Variants in ADAMTSL3 observed in about 807,000 individuals in gnomAD.
The protein encoded by ADAMTSL3 is ADAMTS-like protein 3.
In ADAMTSL3, 128 loss-of-function variants were observed where a neutral mutation model predicts 201.7. The ratio of observed to expected loss-of-function variants is 0.63; its 90% CI spans 0.55 to 0.73. The LOEUF (loss-of-function observed/expected upper bound fraction) is 0.73, where lower values mean the gene tolerates loss of function less well. ADAMTSL3 is among the 30% of genes least tolerant of loss of function. The probability of loss-of-function intolerance (pLI) is 0.00; values close to 1 mark genes in which losing one functional copy is unlikely to be tolerated. For missense variants in ADAMTSL3, 1,990 were observed against 2,119.6 expected, an observed-to-expected ratio of 0.94 and a Z score of 1.20; for synonymous variants, 738 against 748.4, an observed-to-expected ratio of 0.99 and a Z score of 0.23.
At chr15:83,773,248 C>T (rs2063014061) in intron 3 of ADAMTSL3, among the ~76,000 whole-genome samples, 1 of 151,946 alleles carries the variant, frequency 6.6e-6, no homozygotes, top group Non-Finnish European at 1.5e-5. Context: ...CCTGTCTCTA[C>T]TAAAAATACA....
At chr15:83,903,792 C>T (rs1412392431) in intron 15 of ADAMTSL3, among the ~76,000 whole-genome samples, 1 of 150,906 alleles carries the variant, frequency 6.6e-6, no homozygotes, top group African/African-American at 2.4e-5. Flanking sequence ...GTGGTACATG[C>T]TTGTAGTCCC....
At chr15:83,830,153 AG>A (rs1380668804) in intron 6 of ADAMTSL3, among the ~76,000 whole-genome samples, 5 of 152,180 alleles carry the variant, frequency 3.3e-5, no homozygotes, top group Admixed American at 1.3e-4. Flanking sequence ...GGGTGAGAAC[AG>A]GGGGCATGGG....
intron 3 of ADAMTSL3, among the ~76,000 whole-genome samples, chr15:83,730,724 T>A (rs1422182644): frequency 6.6e-6 from 1 of 152,070 alleles, no homozygotes; most frequent in Non-Finnish European, 1.5e-5. Flanking sequence ...AATATGTAGG[T>A]TTCCTTTTCA....
intron 17 of ADAMTSL3, among the ~76,000 whole-genome samples, chr15:83,926,917 A>G (rs2066257100): frequency 6.6e-6 from 1 of 150,740 alleles, no homozygotes; most frequent in African/African-American, 2.4e-5. Context: ...GCACCTGGCC[A>G]CCAACAACAT....
chr15:83,796,359 A>G (rs943003787), intron 4 of ADAMTSL3, among the ~76,000 whole-genome samples: 1 of 152,246 alleles, frequency 6.6e-6, no homozygotes, highest in African/African-American at 2.4e-5. Context: ...TAATGCACAA[A>G]TGACTGTGCT....
intron 6 of ADAMTSL3, among the ~76,000 whole-genome samples, chr15:83,827,735 G>A (rs1196646702): frequency 6.6e-6 from 1 of 152,120 alleles, no homozygotes; most frequent in Non-Finnish European, 1.5e-5. Context: ...CATATGGCTA[G>A]TCATTTTTAT....
chr15:83,775,037 G>C (rs1212728480), intron 4 of ADAMTSL3, among the ~76,000 whole-genome samples: 1 of 152,078 alleles, frequency 6.6e-6, no homozygotes, highest in Non-Finnish European at 1.5e-5. Context: ...AATAGAGATG[G>C]GGTTTCACCA....
chr15:83,970,461 C>T (rs1375775207), intron 19 of ADAMTSL3, 23 bp from the exon 20 acceptor site: 1 of 1,613,910 alleles, frequency 6.2e-7, no homozygotes, highest in Admixed American at 1.7e-5. Flanking sequence ...CCATTTGACT[C>T]TGTTGCACAA....
chr15:83,662,502 A>G lies in ADAMTSL3; in HGVS notation c.69+6672A>G, dbSNP rs1366118953. On this transcript the variant is annotated intron_variant, in intron 2 of 29. Coordinates refer to ENST00000286744, the MANE Select transcript of ADAMTSL3 (RefSeq NM_207517.3). ...GAGTTAGTGGGTTCAGCGCACCAGC[A>G]TGGCACATGTATACGTATGTAACTA... Among the ~76,000 whole-genome samples the G allele has an allele frequency of 4.0e-5, 6 of 150,558 alleles. No homozygotes were observed. In the East Asian group the frequency reaches 1.2e-3, roughly 30 times the overall value.
chr15:83,829,489 T>G (rs9888673), intron 6 of ADAMTSL3, among the ~76,000 whole-genome samples: 3 of 152,048 alleles, frequency 2.0e-5, no homozygotes, highest in Admixed American at 2.0e-4. Flanking sequence ...TCCTGGATTC[T>G]TTGATTTTTT....
At chr15:83,909,588 T>C (rs1483721809) in intron 15 of ADAMTSL3, among the ~76,000 whole-genome samples, 1 of 152,122 alleles carries the variant, frequency 6.6e-6, no homozygotes, top group Non-Finnish European at 1.5e-5. Flanking sequence ...ACTGTGTCTA[T>C]TTAAAGTGCA....
intron 3 of ADAMTSL3, among the ~76,000 whole-genome samples, chr15:83,711,767 T>A (rs1431925088): frequency 2.0e-5 from 3 of 152,240 alleles, no homozygotes; most frequent in Non-Finnish European, 4.4e-5. Context: ...ATTGAGCTTT[T>A]TCACAAATCA....
chr15:83,943,103 T>C (rs2066594721), intron 19 of ADAMTSL3, 21 bp downstream of exon 19: 1 of 1,579,736 alleles, frequency 6.3e-7, no homozygotes, highest in African/African-American at 1.4e-5. Flanking sequence ...GGCTCAACTT[T>C]ATAGTCCCTT....
chr15:83,944,113 A>T (rs553459856), intron 19 of ADAMTSL3, among the ~76,000 whole-genome samples: 1 of 152,272 alleles, frequency 6.6e-6, no homozygotes, highest in East Asian at 1.9e-4. Context: ...TAAAACTTAC[A>T]AATTGTTTAT....
chr15:83,715,263 T>A (rs922630828), intron 3 of ADAMTSL3, among the ~76,000 whole-genome samples: 8 of 152,172 alleles, frequency 5.3e-5, no homozygotes, highest in Non-Finnish European at 1.2e-4. Flanking sequence ...GCCCTTAATA[T>A]TGCCTCTTCC....
rs537490308 is a variant in ADAMTSL3, at chr15:83,757,092, G to T, written c.190-16431G>T. Among the ~76,000 whole-genome samples, 13 of 152,306 alleles carry T rather than the reference G, an allele frequency of 8.5e-5. No homozygotes were observed. In the South Asian group the frequency reaches 2.7e-3, roughly 32 times the overall value. On this transcript the variant is annotated intron_variant, in intron 3 of 29. Coordinates refer to ENST00000286744, the MANE Select transcript of ADAMTSL3 (RefSeq NM_207517.3). ...AGGCACACGGTGCAGGCGGTCAGTG[G>T]ATCTACCATTCTGGGGTCTGGAAGA...
intron 8 of ADAMTSL3, among the ~76,000 whole-genome samples, chr15:83,866,863 G>A (rs943072466): frequency 1.3e-4 from 20 of 152,080 alleles, no homozygotes; most frequent in South Asian, 8.3e-4. Context: ...ACTGGCACTC[G>A]TCCAAGAACA....
chr15:83,934,477 G>A (rs1656941306), intron 17 of ADAMTSL3, among the ~76,000 whole-genome samples: 1 of 152,176 alleles, frequency 6.6e-6, no homozygotes. Flanking sequence ...GACTTGCCTT[G>A]TCTCAGATGA....
intron 4 of ADAMTSL3, among the ~76,000 whole-genome samples, chr15:83,785,518 C>T (rs1277458973): frequency 6.6e-6 from 1 of 152,038 alleles, no homozygotes; most frequent in African/African-American, 2.4e-5. Flanking sequence ...TTTTAGATAA[C>T]CTGTCTGCCC....
Sources: gnomAD v4.1 joint callset for allele counts (sites outside exome capture counted in the v4.1 genomes callset) on GRCh38, gnomAD v4.1.1 for gene constraint, MANE v1.5 for transcripts, NCBI Gene and HGNC (gene_info 2026-07-23, HGNC 2026-07-21) for gene names.